Variants in RANBP2 observed in about 807,000 individuals in gnomAD.
RANBP2 encodes the protein RAN binding protein 2.
RANBP2 carries 57 observed loss-of-function variants against 303.6 expected under a neutral mutation model. The ratio of observed to expected loss-of-function variants is 0.19; its 90% CI spans 0.15 to 0.23. The LOEUF (loss-of-function observed/expected upper bound fraction) is 0.23, where lower values mean the gene tolerates loss of function less well. Among genes scored for constraint, RANBP2 ranks in the 10% least tolerant of loss-of-function variants. RANBP2 has a pLI of 1.00. For missense variants in RANBP2, 3,138 were observed against 3,780.8 expected (o/e 0.83, Z 4.46); for synonymous variants, 1,167 against 1,301.5 (o/e 0.90, Z 2.23).
the RANBP2 span, chr2:108,910,382 G>A: frequency 8.3e-6 from 10 of 1,201,600 alleles, no homozygotes; most frequent in Admixed American, 3.7e-5. Flanking sequence ...CAGTTCACTC[G>A]GCTGCACCCT....
the RANBP2 span, among the ~76,000 whole-genome samples, chr2:109,724,760 C>G: frequency 6.6e-6 from 1 of 152,164 alleles, no homozygotes; most frequent in Non-Finnish European, 1.5e-5. Flanking sequence ...GCCAGCCTGC[C>G]TCCAGGGAAG....
chr2:109,503,906 T>C, the RANBP2 span: 12 of 152,142 alleles, frequency 7.9e-5, no homozygotes, highest in African/African-American at 2.7e-4. Context: ...GGGGCGAATA[T>C]CTCCATGTCT....
At chr2:109,315,599 C>G in the RANBP2 span, among the ~76,000 whole-genome samples, 1 of 152,246 alleles carries the variant, frequency 6.6e-6, no homozygotes, top group Admixed American at 6.5e-5. Context: ...CTTTCAGAAA[C>G]TGTCAGTGAT....
At chr2:109,285,930 G>C in the RANBP2 span, among the ~76,000 whole-genome samples, 1 of 152,136 alleles carries the variant, frequency 6.6e-6, no homozygotes, top group Admixed American at 6.5e-5. Context: ...CACTCACCCG[G>C]TTTTCCTCTT....
At chr2:109,161,547 T>C in the RANBP2 span, among the ~76,000 whole-genome samples, 1 of 152,002 alleles carries the variant, frequency 6.6e-6, no homozygotes, top group Admixed American at 6.6e-5. Context: ...GTCTAGCACC[T>C]ACCTAAGTCT....
the RANBP2 span, among the ~76,000 whole-genome samples, chr2:109,535,739 C>T: frequency 6.6e-6 from 1 of 152,128 alleles, no homozygotes; most frequent in African/African-American, 2.4e-5. Flanking sequence ...TGGACCTTGA[C>T]CTTGAACCAC....
In RANBP2 at chr2:108,768,342, A is replaced by G; in HGVS notation, c.7803A>G (p.Pro2601=). The part of the protein sequence containing the change: ...SKVKNLFASF[P]TEESSINYTF... ...TCAAAAATCTCTTTGCTTCCTTTCC[A>G]ACGGAAGAATCTTCAATCAACTACA... Residue 2601 remains proline, a synonymous_variant, in exon 20 of 29, where the codon CCA becomes CCG. Transcript: ENST00000283195. 1 of 1,611,968 alleles carries G rather than the reference A, an allele frequency of 6.2e-7. No individual in the cohort carries two copies. Among genetic ancestry groups the G allele is most frequent in the Non-Finnish European group, 8.5e-7 (1 of 1,179,856 alleles).
chr2:109,571,775 A>G, the RANBP2 span, among the ~76,000 whole-genome samples: 3 of 152,152 alleles, frequency 2.0e-5, no homozygotes, highest in Non-Finnish European at 4.4e-5. Context: ...TTGTTATAAG[A>G]GTTTGCAGGT....
chr2:108,792,503 T>A, the RANBP2 span, among the ~76,000 whole-genome samples: 3 of 152,268 alleles, frequency 2.0e-5, no homozygotes, highest in South Asian at 4.1e-4. Flanking sequence ...TGCACCAACC[T>A]CATATTTGAA....
chr2:108,913,037 C>T, the RANBP2 span, among the ~76,000 whole-genome samples: 1 of 151,680 alleles, frequency 6.6e-6, no homozygotes, highest in Admixed American at 6.6e-5. Context: ...CAAGCTCTGC[C>T]TCCCTGGTTG....
the RANBP2 span, among the ~76,000 whole-genome samples, chr2:109,687,303 T>A: frequency 6.6e-6 from 1 of 152,364 alleles, no homozygotes; most frequent in African/African-American, 2.4e-5. Context: ...AGCTCCTGCA[T>A]GCTGAGCCCT....
At chr2:108,929,071 G>A in the RANBP2 span, 3 of 1,121,650 alleles carry the variant, frequency 2.7e-6, no homozygotes, top group African/African-American at 1.5e-5. Flanking sequence ...ATGGGACCAA[G>A]GCCAGGTGTG....
At chr2:109,071,117 G>A in the RANBP2 span, among the ~76,000 whole-genome samples, 4 of 152,176 alleles carry the variant, frequency 2.6e-5, no homozygotes, top group Admixed American at 2.0e-4. Context: ...TACAGCAATA[G>A]AGCAGCATCT....
the RANBP2 span, among the ~76,000 whole-genome samples, chr2:109,340,907 G>GA: frequency 2.7e-5 from 4 of 150,384 alleles, no homozygotes; most frequent in African/African-American, 7.3e-5. Context: ...AAAAAAGGAA[G>GA]AAAAAAAAAA....
the RANBP2 span, among the ~76,000 whole-genome samples, chr2:109,445,118 A>G: frequency 6.6e-6 from 1 of 152,224 alleles, no homozygotes; most frequent in Non-Finnish European, 1.5e-5. Context: ...TTGGAAAGCC[A>G]TACAGAGGAA....
the RANBP2 span, among the ~76,000 whole-genome samples, chr2:109,115,228 G>A: frequency 6.6e-6 from 1 of 152,118 alleles, no homozygotes; most frequent in African/African-American, 2.4e-5. Flanking sequence ...TTGACAGTGA[G>A]GTGTTAAAGT....
the RANBP2 span, among the ~76,000 whole-genome samples, chr2:109,387,244 T>C: frequency 2.0e-5 from 3 of 152,252 alleles, no homozygotes; most frequent in African/African-American, 7.2e-5. Context: ...TCTCATAACA[T>C]GATTGCAGTA....
At chr2:109,412,207 C>T in the RANBP2 span, among the ~76,000 whole-genome samples, 1 of 152,288 alleles carries the variant, frequency 6.6e-6, no homozygotes, top group Non-Finnish European at 1.5e-5. Context: ...GCCTAGCCTT[C>T]AGCCTCTGCC....
At chr2:109,162,349 G>A in the RANBP2 span, among the ~76,000 whole-genome samples, 1 of 152,192 alleles carries the variant, frequency 6.6e-6, no homozygotes, top group East Asian at 1.9e-4. Context: ...CCCTCAGAGA[G>A]CCGGGCCTCT....
Sources: allele counts gnomAD v4.1 joint callset (sites outside exome capture counted in the v4.1 genomes callset), GRCh38; gene constraint gnomAD v4.1.1; transcripts MANE v1.5; gene names NCBI Gene and HGNC (gene_info 2026-07-23, HGNC 2026-07-21).